Variants in POF1B observed in about 807,000 individuals in gnomAD.
POF1B encodes protein POF1B.
In POF1B, 53 loss-of-function variants were observed where a neutral mutation model predicts 55.3. The ratio of observed to expected loss-of-function variants is 0.96; its 90% CI spans 0.77 to 1.20. The LOEUF is 1.20. Ranked by LOEUF, POF1B falls within the 50% of genes most tolerant of loss-of-function variation. POF1B has a pLI of 0.00. For missense variants in POF1B, 478 were observed against 420.5 expected, an observed-to-expected ratio of 1.14 and a Z score of -1.20; for synonymous variants, 188 against 148.3, an observed-to-expected ratio of 1.27 and a Z score of -1.95.
In POF1B at chrX:85,290,287, A is replaced by AT. The variant is rs201282858; in HGVS notation, c.1650-7971dup. Reference sequence around the variant, plus strand: ...CATCCATTTTGCTTCAAAAGACATGATTTTTTTTTTATGGCTGCACAGTAT... The same window carrying AT: ...CATCCATTTTGCTTCAAAAGACATGATTTTTTTTTTTATGGCTGCACAGTAT... On this transcript the variant is annotated intron_variant, in intron 15 of 16. Transcript: ENST00000262753. Among the ~76,000 whole-genome samples the AT allele has an allele frequency of 8.1e-4, 87 of 107,800 alleles. No individual in the cohort carries two copies. The South Asian group carries it at 9.5e-3, about 12-fold the overall frequency. The allele number at this position is 107,800 out of a possible 115,157, so 93.6% of individuals were successfully genotyped here.
chrX:85,319,243 G>A (rs1397165585), intron 7 of POF1B, among the ~76,000 whole-genome samples: 1 of 111,501 alleles, frequency 9.0e-6, no homozygotes, highest in Non-Finnish European at 1.9e-5. Context: ...TGTTTAAGTG[G>A]TGTATCAAAT....
intron 9 of POF1B, among the ~76,000 whole-genome samples, chrX:85,309,784 C>T (rs928058846): frequency 4.5e-5 from 5 of 111,864 alleles, no homozygotes; most frequent in Non-Finnish European, 7.5e-5. Context: ...AGACTGCCCC[C>T]TTGTCAGGCT....
chrX:85,342,319 A>G (rs1933187642), intron 6 of POF1B, among the ~76,000 whole-genome samples: 1 of 111,870 alleles, frequency 8.9e-6, no homozygotes, highest in Non-Finnish European at 1.9e-5. Context: ...CTTTGGGGAA[A>G]GTACTTTAAA....
At chrX:85,315,522 GT>G (rs1211808629) in intron 8 of POF1B, among the ~76,000 whole-genome samples, 184 bp downstream of exon 8, 1 of 110,743 alleles carries the variant, frequency 9.0e-6, no homozygotes, top group Non-Finnish European at 1.9e-5. Flanking sequence ...ATAATTACTA[GT>G]TTTATAGCTA....
chrX:85,294,111 A>T (rs1932257272), intron 15 of POF1B, among the ~76,000 whole-genome samples: 1 of 112,444 alleles, frequency 8.9e-6, no homozygotes, highest in East Asian at 2.8e-4. Context: ...TACTAGGTCT[A>T]GGAAGCTTTT....
intron 15 of POF1B, among the ~76,000 whole-genome samples, chrX:85,293,202 A>G (rs1340793372): frequency 2.2e-4 from 25 of 112,164 alleles, no homozygotes; most frequent in Non-Finnish European, 3.8e-5. Context: ...AAATCATTCA[A>G]TTGTAAAGAT....
At chrX:85,301,306 C>T (rs1378016136) in intron 15 of POF1B, among the ~76,000 whole-genome samples, 5 of 111,785 alleles carry the variant, frequency 4.5e-5, no homozygotes, top group African/African-American at 1.6e-4. Flanking sequence ...ACTGATTTCT[C>T]ATCAGAAATT....
intron 3 of POF1B, among the ~76,000 whole-genome samples, chrX:85,359,902 T>C (rs1292232774): frequency 9.0e-6 from 1 of 110,983 alleles, no homozygotes; most frequent in African/African-American, 3.3e-5. Flanking sequence ...TTTAAAATGC[T>C]TCTTTCATTG....
intron 4 of POF1B, among the ~76,000 whole-genome samples, chrX:85,357,435 G>A (rs113708142): frequency 8.1e-4 from 90 of 110,824 alleles, no homozygotes; most frequent in Non-Finnish European, 1.5e-3. Context: ...CCTTCCAGAA[G>A]AGTAATCTTC....
At position 85,280,962 on chromosome X, in the gene POF1B, C is replaced by G. The variant is rs191921922; in HGVS notation, c.1764+1241G>C. Among the ~76,000 whole-genome samples, 375 of 110,803 alleles carry G rather than the reference C, an allele frequency of 3.4e-3. 2 individuals are homozygous for G. Among genetic ancestry groups the G allele is most frequent in the African/African-American group, 0.012 (360 of 30,563 alleles). ...GTATGTTCAGAAGCATCCTAGTTCT[C>G]TAACCACTAGATGCCAATAACACCC... On this transcript the variant is annotated intron_variant, in intron 16 of 16. Transcript: ENST00000262753.
intron 6 of POF1B, among the ~76,000 whole-genome samples, chrX:85,333,011 G>T (rs1428815839): frequency 9.0e-6 from 1 of 110,976 alleles, no homozygotes. Context: ...TATGAAAATA[G>T]ATATATATTC....
intron 7 of POF1B, among the ~76,000 whole-genome samples, chrX:85,326,930 G>A (rs1167335714): frequency 9.0e-6 from 1 of 110,647 alleles, no homozygotes; most frequent in Non-Finnish European, 1.9e-5. Flanking sequence ...CGCGGGAGAA[G>A]GCAGTAGACT....
rs150848022 is a variant in POF1B, at chrX:85,377,336, C to T, written c.282+1837G>A. On this transcript the variant is annotated intron_variant, in intron 2 of 16. Transcript: ENST00000262753. Reference sequence around the variant, plus strand: ...AGTTTCCTCATCATATTCTTTGTGACAGCTATCTAAAAGCTGTCTTGCCAA... The same window carrying T: ...AGTTTCCTCATCATATTCTTTGTGATAGCTATCTAAAAGCTGTCTTGCCAA... Among the ~76,000 whole-genome samples, 567 of 111,772 alleles carry T rather than the reference C, an allele frequency of 5.1e-3. 5 individuals are homozygous for T. Among genetic ancestry groups the T allele is most frequent in the African/African-American group, 0.017 (531 of 30,880 alleles).
intron 9 of POF1B, 66 bp downstream of exon 9, chrX:85,314,366 G>T: frequency 1.2e-6 from 1 of 863,267 alleles, no homozygotes; most frequent in Non-Finnish European, 1.6e-6. Context: ...TCTTAATTAA[G>T]GGAAGCAACC....
At chrX:85,376,685 C>T (rs1933929286) in intron 2 of POF1B, among the ~76,000 whole-genome samples, 1 of 110,700 alleles carries the variant, frequency 9.0e-6, no homozygotes, top group African/African-American at 3.3e-5. Context: ...TCCATAAACA[C>T]CATTTTAGTG....
chrX:85,286,092 T>C (rs1303279129), intron 15 of POF1B, among the ~76,000 whole-genome samples: 1 of 111,522 alleles, frequency 9.0e-6, no homozygotes, highest in Non-Finnish European at 1.9e-5. Context: ...TAGTTGGCTG[T>C]TGAAAACAAA....
chrX:85,376,426 G>A (rs962254609), intron 2 of POF1B, among the ~76,000 whole-genome samples: 9 of 111,413 alleles, frequency 8.1e-5, no homozygotes, highest in Admixed American at 1.9e-4. Flanking sequence ...ACCACATTCA[G>A]TTCTAAAATG....
chrX:85,379,655 G>T lies in POF1B; in HGVS notation c.-58C>A. The T allele has an allele frequency of 2.3e-6, 1 of 440,084 alleles. No homozygotes were observed. Among genetic ancestry groups the T allele is most frequent in the Non-Finnish European group, 3.9e-6 (1 of 257,881 alleles). 36.3% of individuals were successfully genotyped at this position (440,084 alleles called of 1,213,427 possible). A position where few individuals can be genotyped will look rare whatever the true frequency, so the allele number is the denominator to read the frequency against. ...GAAAGCTACCTGAGCAGCAGCAAGA[G>T]CAGGTCTGGCAGCTACAGAGGAAGC... On this transcript the variant is annotated 5_prime_UTR_variant, in exon 1 of 17. Transcript: ENST00000262753.
chrX:85,326,074 C>T (rs748464585), intron 7 of POF1B, among the ~76,000 whole-genome samples: 1 of 111,553 alleles, frequency 9.0e-6, no homozygotes, highest in Non-Finnish European at 1.9e-5. Flanking sequence ...CTTCCTGGAC[C>T]GCTGGTCACA....
Sources: allele counts gnomAD v4.1 joint callset (sites outside exome capture counted in the v4.1 genomes callset), GRCh38; gene constraint gnomAD v4.1.1; transcripts MANE v1.5; gene names NCBI Gene and HGNC (gene_info 2026-07-23, HGNC 2026-07-21).